UGT8: variants seen among roughly 807,000 people sequenced by gnomAD.
The protein encoded by UGT8 is 2-hydroxyacylsphingosine 1-beta-galactosyltransferase.
UGT8 carries 12 observed loss-of-function variants against 40.5 expected under a neutral mutation model. The observed-to-expected ratio is 0.30, with a 90% CI of 0.19 to 0.48. UGT8 has a LOEUF of 0.48. UGT8 is among the 20% of genes least tolerant of loss of function. The pLI is 0.99. For synonymous variants in UGT8, 224 were observed against 240.4 expected (o/e 0.93, Z 0.63); for missense variants, 513 against 648.7 (o/e 0.79, Z 2.27).
rs1316041759 is a variant in UGT8 at position 114,676,526 on chromosome 4, G to T, written c.*238G>T. The T allele has an allele frequency of 1.5e-5, 6 of 399,050 alleles. No homozygotes were observed. Among genetic ancestry groups the T allele is most frequent in the Non-Finnish European group, 1.8e-5 (4 of 224,156 alleles). The allele number at this position is 399,050 out of a possible 1,614,324, so 24.7% of individuals were successfully genotyped here. ...AGTTTTGGCACTGAACCTTTTAGAAGCCTTAATTATTTAAATCAATTCAGT... is the reference window on the plus strand; with the variant it reads ...AGTTTTGGCACTGAACCTTTTAGAATCCTTAATTATTTAAATCAATTCAGT... On this transcript the variant is annotated 3_prime_UTR_variant, in exon 6 of 6. Transcript: ENST00000310836.
intron 1 of UGT8, among the ~76,000 whole-genome samples, chr4:114,604,922 T>TC (rs1560663012): frequency 1.3e-5 from 2 of 152,188 alleles, no homozygotes; most frequent in Non-Finnish European, 2.9e-5. Context: ...CTTTTTTTTT[T>TC]CCCACTGTGC....
At chr4:114,614,436 A>G (rs1282448762) in intron 1 of UGT8, among the ~76,000 whole-genome samples, 3 of 152,160 alleles carry the variant, frequency 2.0e-5, no homozygotes, top group African/African-American at 7.2e-5. Flanking sequence ...ATGGCATACT[A>G]GTTTAAGGAA....
chr4:114,672,918 TTTTG>T (rs200961610), intron 5 of UGT8, among the ~76,000 whole-genome samples: 2,143 of 152,306 alleles, frequency 0.014, 28 homozygotes, highest in Non-Finnish European at 0.019. Flanking sequence ...CCTATTGCTT[TTTTG>T]TTTGTTTGGG....
chr4:114,605,037 A>C (rs1730656884), intron 1 of UGT8, among the ~76,000 whole-genome samples: 1 of 152,182 alleles, frequency 6.6e-6, no homozygotes, highest in Admixed American at 6.5e-5. Flanking sequence ...ATATTCACCA[A>C]GTCAGTTTTA....
chr4:114,649,292 G>A (rs887502553), intron 2 of UGT8, among the ~76,000 whole-genome samples: 4 of 152,066 alleles, frequency 2.6e-5, no homozygotes, highest in African/African-American at 9.7e-5. Flanking sequence ...GAGTGATACT[G>A]GCCTAGCCAT....
intron 4 of UGT8, among the ~76,000 whole-genome samples, chr4:114,666,514 C>CA (rs1261344630): frequency 1.3e-5 from 2 of 151,906 alleles, no homozygotes; most frequent in Admixed American, 6.6e-5. Context: ...AAAAAGAATA[C>CA]AAGGCAATTT....
chr4:114,677,450 A>C lies in UGT8; in HGVS notation c.*1162A>C, dbSNP rs1469748508. The C allele has an allele frequency of 6.6e-6, 1 of 152,226 alleles. No homozygotes were observed. The highest frequency in any genetic ancestry group is 6.5e-5 in the Admixed American group (1 of 15,286). 9.4% of individuals were successfully genotyped at this position (152,226 alleles called of 1,614,324 possible). A position where few individuals can be genotyped will look rare whatever the true frequency, so the allele number is the denominator to read the frequency against. The stretch of plus-strand genomic sequence containing the variant: ...ACAAATCAGACTTTACACTATATAC[A>C]GATGTGACAGATAAATTGAACCACT... On this transcript the variant is annotated 3_prime_UTR_variant, in exon 6 of 6. Transcript: ENST00000310836.
intron 5 of UGT8, among the ~76,000 whole-genome samples, chr4:114,671,499 C>T (rs1735275886): frequency 6.6e-6 from 1 of 152,140 alleles, no homozygotes; most frequent in African/African-American, 2.4e-5. Flanking sequence ...TGGAGCAGAA[C>T]AGAGACCTCA....
intron 2 of UGT8, chr4:114,656,691 T>C: frequency 2.3e-6 from 1 of 435,274 alleles, no homozygotes; most frequent in South Asian, 1.8e-5. Flanking sequence ...AGGAGATACT[T>C]TGTTGTGATC....
intron 5 of UGT8, 54 bp from the exon 6 acceptor site, chr4:114,675,871 A>T: frequency 6.5e-7 from 1 of 1,537,050 alleles, no homozygotes; most frequent in Non-Finnish European, 8.7e-7. Context: ...ATATGCATAA[A>T]TATAGAACTT....
intron 2 of UGT8, among the ~76,000 whole-genome samples, chr4:114,660,986 A>C (rs1321296864): frequency 1.3e-5 from 2 of 151,572 alleles, no homozygotes; most frequent in Non-Finnish European, 2.9e-5. Context: ...TTTTTTCTTC[A>C]ATCAGTAGCT....
At chr4:114,670,557 C>CA (rs563694291) in intron 5 of UGT8, among the ~76,000 whole-genome samples, 168 of 149,050 alleles carry the variant, frequency 1.1e-3, no homozygotes, top group African/African-American at 3.8e-3. Flanking sequence ...GAACCAAAGA[C>CA]AAAAAAACAC....
intron 2 of UGT8, among the ~76,000 whole-genome samples, chr4:114,639,950 G>T (rs1181420647): frequency 1.3e-5 from 2 of 151,470 alleles, no homozygotes; most frequent in Admixed American, 1.3e-4. Flanking sequence ...GTTGACTTCA[G>T]TTTAGTGTCA....
chr4:114,642,958 C>T (rs930152858), intron 2 of UGT8, among the ~76,000 whole-genome samples: 1 of 152,076 alleles, frequency 6.6e-6, no homozygotes, highest in African/African-American at 2.4e-5. Flanking sequence ...GAAACAACTA[C>T]TCCTTTAAAG....
At chr4:114,660,079 G>A (rs1172310611) in intron 2 of UGT8, among the ~76,000 whole-genome samples, 1 of 152,102 alleles carries the variant, frequency 6.6e-6, no homozygotes, top group Non-Finnish European at 1.5e-5. Flanking sequence ...AAACATTAAA[G>A]AAATGATGCT....
intron 2 of UGT8, among the ~76,000 whole-genome samples, chr4:114,640,176 G>A (rs1038621671): frequency 3.3e-5 from 5 of 151,606 alleles, no homozygotes; most frequent in African/African-American, 4.8e-5. Context: ...GACTACAGGC[G>A]CCCGCCACCA....
intron 3 of UGT8, among the ~76,000 whole-genome samples, chr4:114,664,763 C>A (rs1734749150): frequency 6.6e-6 from 1 of 152,138 alleles, no homozygotes; most frequent in African/African-American, 2.4e-5. Flanking sequence ...GACGTGAACA[C>A]TTTATTTAGC....
intron 2 of UGT8, chr4:114,663,781 T>G: frequency 2.0e-6 from 2 of 985,246 alleles, no homozygotes; most frequent in Non-Finnish European, 2.4e-6. Flanking sequence ...CTTACAGATC[T>G]TACCAAATAA....
At chr4:114,675,606 G>T (rs949748644) in intron 5 of UGT8, among the ~76,000 whole-genome samples, 19 of 149,744 alleles carry the variant, frequency 1.3e-4, no homozygotes, top group African/African-American at 4.4e-4. Flanking sequence ...CGGGCGTAGT[G>T]GCGGGCGCCT....
Sources: gnomAD v4.1 joint callset for allele counts (sites outside exome capture counted in the v4.1 genomes callset) on GRCh38, gnomAD v4.1.1 for gene constraint, MANE v1.5 for transcripts, NCBI Gene and HGNC (gene_info 2026-07-23, HGNC 2026-07-21) for gene names.